The following MMRN1 variants were observed in gnomAD, a reference collection of about 807,000 sequenced individuals.
MMRN1 encodes the protein multimerin-1.
MMRN1 carries 94 observed loss-of-function variants against 100.7 expected under a neutral mutation model. The observed-to-expected ratio is 0.93, with a 90% CI of 0.79 to 1.11. MMRN1 has a LOEUF of 1.11. MMRN1 is among the 50% of genes least tolerant of loss of function. The probability of loss-of-function intolerance (pLI) is 0.00; values close to 1 mark genes in which losing one functional copy is unlikely to be tolerated. For synonymous variants in MMRN1, 575 were observed against 505.0 expected (o/e 1.14, Z -1.86); for missense variants, 1,606 against 1,439.1 (o/e 1.12, Z -1.88).
intron 2 of MMRN1, among the ~76,000 whole-genome samples, chr4:89,911,719 T>C (rs1253681148): frequency 6.6e-6 from 1 of 151,382 alleles, no homozygotes; most frequent in Non-Finnish European, 1.5e-5. Context: ...AGGTATCAAT[T>C]TAAAATACCA....
chr4:89,924,492 C>A (rs933347165), intron 4 of MMRN1, among the ~76,000 whole-genome samples: 1 of 151,534 alleles, frequency 6.6e-6, no homozygotes, highest in Non-Finnish European at 1.5e-5. Flanking sequence ...TACCTTCAAA[C>A]CTATCATGAA....
At chr4:89,918,855 T>C (rs1172967327) in intron 3 of MMRN1, among the ~76,000 whole-genome samples, 1 of 151,860 alleles carries the variant, frequency 6.6e-6, no homozygotes, top group Non-Finnish European at 1.5e-5. Context: ...TCATATGTAT[T>C]ACTACATTAC....
intron 1 of MMRN1, among the ~76,000 whole-genome samples, chr4:89,902,514 C>A (rs1008775830): frequency 6.6e-6 from 1 of 151,992 alleles, no homozygotes; most frequent in South Asian, 2.1e-4. Flanking sequence ...ATCCAAACAG[C>A]AAACTCTATG....
intron 1 of MMRN1, among the ~76,000 whole-genome samples, chr4:89,897,554 C>A (rs1381506774): frequency 6.6e-6 from 1 of 152,068 alleles, no homozygotes; most frequent in Non-Finnish European, 1.5e-5. Flanking sequence ...AAAAAAGAGA[C>A]AATTCAAGTT....
chr4:89,918,873 G>A (rs1399916614), intron 3 of MMRN1, among the ~76,000 whole-genome samples: 1 of 151,662 alleles, frequency 6.6e-6, no homozygotes, highest in African/African-American at 2.4e-5. Context: ...TACTAATGTA[G>A]CATTAAAGAT....
intron 5 of MMRN1, among the ~76,000 whole-genome samples, chr4:89,931,948 A>T (rs1722453742): frequency 6.6e-6 from 1 of 152,136 alleles, no homozygotes; most frequent in Non-Finnish European, 1.5e-5. Flanking sequence ...TGCCTTCCCA[A>T]CAGTCCCCCA....
At chr4:89,890,879 T>C (rs1721040401), upstream of MMRN1, among the ~76,000 whole-genome samples, 1 of 152,044 alleles carries the variant, frequency 6.6e-6, no homozygotes, top group African/African-American at 2.4e-5. Flanking sequence ...ATGTTGTTTT[T>C]TTTTCCTGAT....
chr4:89,915,237 G>C (rs540720390), intron 3 of MMRN1, among the ~76,000 whole-genome samples: 2 of 151,514 alleles, frequency 1.3e-5, no homozygotes, highest in African/African-American at 4.8e-5. Flanking sequence ...AGTAGCAAAT[G>C]CTTTCTTCTT....
chr4:89,897,825 T>C lies in MMRN1; in HGVS notation c.623+2231T>C, dbSNP rs75866652. Among the ~76,000 whole-genome samples, 386 of 152,282 alleles carry C rather than the reference T, an allele frequency of 2.5e-3. 4 individuals are homozygous for C. The highest frequency in any genetic ancestry group is 8.6e-3 in the African/African-American group (357 of 41,578). ...ATTCCTCTGTCTAAGGAATATTCCC[T>C]ATAAAAAGTAAACACTAACATACCT... On this transcript the variant is annotated intron_variant, in intron 1 of 7. Transcript: ENST00000264790.
intron 4 of MMRN1, among the ~76,000 whole-genome samples, chr4:89,925,605 G>T (rs921007053): frequency 3.3e-5 from 5 of 151,978 alleles, no homozygotes; most frequent in African/African-American, 1.2e-4. Context: ...GCCAAGGCGG[G>T]TGGATCACGA....
Position 89,951,713 on chromosome 4 carries a change from G to C in MMRN1, c.3227G>C (p.Cys1076Ser). 1 of 1,612,074 alleles carries C rather than the reference G, an allele frequency of 6.2e-7. No homozygotes were observed. Among genetic ancestry groups the C allele is most frequent in the Non-Finnish European group, 8.5e-7 (1 of 1,179,272 alleles). The change falls in exon 7 of 8, where the codon TGC (cysteine) becomes TCC (serine). Residue 1076 changes from cysteine (C) to serine (S), a missense_variant. Transcript: ENST00000264790. ...ACRHPFTGDN[C>S]TIKLVEENAL... ...AGACATCCTTTTACTGGTGACAACT[G>C]CACTATCAAGCTTGTGGAAGAAAAT... is the stretch of plus-strand genomic sequence containing the variant.
chr4:89,920,812 TTTTG>T (rs1336512526), intron 3 of MMRN1, among the ~76,000 whole-genome samples: 2 of 152,018 alleles, frequency 1.3e-5, no homozygotes, highest in African/African-American at 4.8e-5. Context: ...GTTTTGTTTT[TTTTG>T]TTTGTTTGTT....
intron 3 of MMRN1, among the ~76,000 whole-genome samples, chr4:89,921,820 A>C (rs3775479): frequency 0.42 from 63,937 of 151,980 alleles, 14,515 homozygotes; most frequent in Non-Finnish European, 0.49. Flanking sequence ...GACTCACCCA[A>C]ATTAATGCCA....
At position 89,935,841 on chromosome 4, in the gene MMRN1, G is replaced by A; in HGVS notation, c.2161G>A (p.Ala721Thr). The change falls in exon 6 of 8, where the codon GCC becomes ACC. Residue 721 changes from alanine to threonine, a missense_variant. Physicochemically the swap from Ala to Thr is moderately conservative, Grantham distance 58. Coordinates refer to ENST00000264790, the MANE Select transcript of MMRN1 (RefSeq NM_007351.3). Reference sequence around the variant, plus strand: ...CTTAGAAAGACGTATCAATGAATATGCCTTAGAAATGGAAGATGGCCTCAA... The same window carrying A: ...CTTAGAAAGACGTATCAATGAATATACCTTAGAAATGGAAGATGGCCTCAA... ...DALERRINEYALEMEDGLNKT... is the reference protein window; with the variant it reads ...DALERRINEYTLEMEDGLNKT... 1.9e-6 allele frequency: 3 copies of A among 1,613,004 alleles called. No individual in the cohort carries two copies. Among genetic ancestry groups the A allele is most frequent in the Non-Finnish European group, 1.7e-6 (2 of 1,179,500 alleles).
At chr4:89,916,334 T>C (rs187758483) in intron 3 of MMRN1, among the ~76,000 whole-genome samples, 2 of 149,198 alleles carry the variant, frequency 1.3e-5, no homozygotes, top group Non-Finnish European at 3.0e-5. Flanking sequence ...TTTCTTTTAT[T>C]CAGGAGTACA....
Position 89,953,213 on chromosome 4 carries a change from T to A in MMRN1, c.3482T>A (p.Phe1161Tyr), listed in dbSNP as rs749635643. ...IESFSAHISG[F>Y]LVVDGIDKLA... The stretch of plus-strand genomic sequence containing the variant: ...TCATTTAGTGCTCATATTTCTGGAT[T>A]TTTAGTGGTTGATGGAATAGACAAG... The change falls in exon 8 of 8, where the codon TTT (phenylalanine) becomes TAT (tyrosine). Residue 1161 changes from phenylalanine to tyrosine, a missense_variant. Coordinates refer to ENST00000264790, the MANE Select transcript of MMRN1 (RefSeq NM_007351.3). 2 of 1,613,846 alleles carry A rather than the reference T, an allele frequency of 1.2e-6. No homozygotes were observed. The highest frequency in any genetic ancestry group is 2.2e-5 in the South Asian group (2 of 91,066).
At chr4:89,952,962 T>G (rs114034752) in intron 7 of MMRN1, 35 bp from the exon 8 acceptor site, 237 of 1,522,486 alleles carry the variant, frequency 1.6e-4, no homozygotes, top group Non-Finnish European at 1.9e-4. Flanking sequence ...GATAAAAACA[T>G]GAAAATTAAC....
chr4:89,917,036 C>T (rs1017374844), intron 3 of MMRN1, among the ~76,000 whole-genome samples: 1 of 151,590 alleles, frequency 6.6e-6, no homozygotes, highest in African/African-American at 2.4e-5. Flanking sequence ...TGACATGCTC[C>T]TACTGAAGTC....
chr4:89,931,871 T>C (rs980660327), intron 5 of MMRN1, among the ~76,000 whole-genome samples: 6 of 152,064 alleles, frequency 3.9e-5, no homozygotes, highest in East Asian at 1.9e-4. Context: ...GTCAGGACAA[T>C]GCCAAACCAT....
Sources: allele counts gnomAD v4.1 joint callset (sites outside exome capture counted in the v4.1 genomes callset), GRCh38; gene constraint gnomAD v4.1.1; transcripts MANE v1.5; gene names NCBI Gene and HGNC (gene_info 2026-07-23, HGNC 2026-07-21).